Variants in PHF24 observed in about 807,000 individuals in gnomAD.
PHF24 encodes the protein PHD finger protein 24.
A neutral mutation model predicts 42.6 loss-of-function variants in PHF24; 25 were observed. The observed-to-expected ratio is 0.59, with a 90% CI of 0.43 to 0.82. The LOEUF (loss-of-function observed/expected upper bound fraction) is 0.82. Ranked by LOEUF, PHF24 falls within the 40% of genes least tolerant of loss-of-function variation. The pLI is 0.00. For synonymous variants in PHF24, 185 were observed against 204.8 expected (o/e 0.90, Z 0.83); for missense variants, 470 against 538.1 (o/e 0.87, Z 1.25).
At chr9:34,668,488 AGTC>A in the PHF24 span, among the ~76,000 whole-genome samples, 1 of 152,230 alleles carries the variant, frequency 6.6e-6, no homozygotes, top group African/African-American at 2.4e-5. Flanking sequence ...CAGGACGTAA[AGTC>A]ATCACAAGGG....
chr9:34,853,806 T>C, the PHF24 span, among the ~76,000 whole-genome samples: 1 of 124,446 alleles, frequency 8.0e-6, no homozygotes, highest in Admixed American at 9.6e-5. Context: ...CCAGCCTGGG[T>C]GACAGAGCGA....
chr9:34,810,554 C>T, the PHF24 span, among the ~76,000 whole-genome samples: 25 of 150,874 alleles, frequency 1.7e-4, no homozygotes, highest in Non-Finnish European at 3.4e-4. Context: ...GATGGTGGAG[C>T]CCCCAGAGGG....
At chr9:34,690,960 A>T in the PHF24 span, 5 of 763,234 alleles carry the variant, frequency 6.6e-6, 1 homozygote, top group South Asian at 6.0e-5. Context: ...GGCTCACCGA[A>T]ATATACAGAC....
chr9:34,726,993 G>C, the PHF24 span: 1 of 1,543,388 alleles, frequency 6.5e-7, no homozygotes, highest in East Asian at 2.5e-5. Context: ...CCCTGGCTAG[G>C]AAGGGAAACA....
At chr9:34,757,760 A>G in the PHF24 span, among the ~76,000 whole-genome samples, 1 of 152,058 alleles carries the variant, frequency 6.6e-6, no homozygotes, top group Non-Finnish European at 1.5e-5. Flanking sequence ...GTAATAGTTT[A>G]TGGAAGTGGT....
chr9:34,728,265 G>C, the PHF24 span, among the ~76,000 whole-genome samples: 1 of 152,182 alleles, frequency 6.6e-6, no homozygotes, highest in Non-Finnish European at 1.5e-5. Flanking sequence ...AATTTCATTT[G>C]ATTTTTACAA....
the PHF24 span, among the ~76,000 whole-genome samples, chr9:34,693,219 A>T: frequency 3.3e-5 from 5 of 152,044 alleles, no homozygotes; most frequent in African/African-American, 1.2e-4. Flanking sequence ...CAGCCTATCC[A>T]TTCTCCACTC....
At chr9:34,890,899 T>C in the PHF24 span, among the ~76,000 whole-genome samples, 1 of 151,586 alleles carries the variant, frequency 6.6e-6, no homozygotes, top group Non-Finnish European at 1.5e-5. Context: ...ACTTGTACGT[T>C]ATCTACACAA....
At chr9:34,848,340 T>A in the PHF24 span, among the ~76,000 whole-genome samples, 4 of 151,764 alleles carry the variant, frequency 2.6e-5, no homozygotes, top group African/African-American at 9.7e-5. Flanking sequence ...AGGGTGTATG[T>A]GTCGAGGAAT....
At chr9:34,875,936 A>ACTCTCTCT in the PHF24 span, among the ~76,000 whole-genome samples, 775 of 87,182 alleles carry the variant, frequency 8.9e-3, 4 homozygotes, top group Non-Finnish European at 0.012. Context: ...ACACACACAC[A>ACTCTCTCT]CACACACACA....
the PHF24 span, among the ~76,000 whole-genome samples, chr9:34,688,127 G>C: frequency 6.6e-6 from 1 of 152,164 alleles, no homozygotes; most frequent in Non-Finnish European, 1.5e-5. Flanking sequence ...CTCTCAGTGA[G>C]GAGGGGCTTT....
At chr9:34,925,569 G>T in the PHF24 span, among the ~76,000 whole-genome samples, 1 of 151,986 alleles carries the variant, frequency 6.6e-6, no homozygotes, top group South Asian at 2.1e-4. Context: ...TATTATTGAA[G>T]TTGTGGATTG....
chr9:34,769,521 A>T, the PHF24 span, among the ~76,000 whole-genome samples: 1 of 152,224 alleles, frequency 6.6e-6, no homozygotes, highest in Non-Finnish European at 1.5e-5. Flanking sequence ...GATCCCAACA[A>T]AAATGCCAAT....
At chr9:34,797,992 C>A in the PHF24 span, among the ~76,000 whole-genome samples, 4 of 152,026 alleles carry the variant, frequency 2.6e-5, no homozygotes, top group African/African-American at 9.7e-5. Context: ...TTTGAAACAA[C>A]CAAACTATAA....
chr9:34,773,750 A>G, the PHF24 span, among the ~76,000 whole-genome samples: 2 of 152,170 alleles, frequency 1.3e-5, no homozygotes, highest in Non-Finnish European at 2.9e-5. Context: ...CATCAAACAA[A>G]TTCCAGTAGA....
the PHF24 span, among the ~76,000 whole-genome samples, chr9:34,929,646 T>C: frequency 0.05 from 7,595 of 152,316 alleles, 256 homozygotes; most frequent in Non-Finnish European, 0.071. Flanking sequence ...CAAATATCGT[T>C]AAGCTGTGAG....
chr9:34,800,537 C>T, the PHF24 span, among the ~76,000 whole-genome samples: 7 of 152,132 alleles, frequency 4.6e-5, no homozygotes, highest in East Asian at 1.9e-4. Context: ...GTCTGATCTT[C>T]GACAAACTTG....
chr9:34,863,056 G>T, the PHF24 span, among the ~76,000 whole-genome samples: 3 of 151,888 alleles, frequency 2.0e-5, no homozygotes, highest in African/African-American at 7.3e-5. Context: ...AAAGGGGAAG[G>T]AAGAGTGGGA....
At chr9:34,704,177 C>G in the PHF24 span, among the ~76,000 whole-genome samples, 1 of 151,706 alleles carries the variant, frequency 6.6e-6, no homozygotes, top group South Asian at 2.1e-4. Context: ...TAGGCCTGTG[C>G]CACCGTGCCT....
Sources: gnomAD v4.1 joint callset for allele counts (sites outside exome capture counted in the v4.1 genomes callset) on GRCh38, gnomAD v4.1.1 for gene constraint, MANE v1.5 for transcripts, NCBI Gene and HGNC (gene_info 2026-07-23, HGNC 2026-07-21) for gene names.